The following FOXP1 variants were observed in gnomAD, a reference collection of about 807,000 sequenced individuals.
FOXP1 encodes the protein forkhead box P1, also known as forkhead box protein P1.
Under a neutral mutation model 98.2 loss-of-function variants are expected in FOXP1, and 15 were observed. The observed-to-expected ratio is 0.15, with a 90% CI of 0.10 to 0.24. The LOEUF is 0.24. Among genes scored for constraint, FOXP1 ranks in the 10% least tolerant of loss-of-function variants. FOXP1 has a pLI of 1.00. For missense variants in FOXP1, 633 were observed against 848.5 expected (o/e 0.75, Z 3.15); for synonymous variants, 371 against 314.5 (o/e 1.18, Z -1.90).
chr3:71,030,809 T>C (rs951232049), intron 11 of FOXP1, among the ~76,000 whole-genome samples: 4 of 152,232 alleles, frequency 2.6e-5, no homozygotes, highest in African/African-American at 4.8e-5. Flanking sequence ...TCAATTTTTT[T>C]CTAATTAAAG....
chr3:71,557,461 T>A (rs1481989068), intron 2 of FOXP1, among the ~76,000 whole-genome samples: 1 of 151,364 alleles, frequency 6.6e-6, no homozygotes, highest in African/African-American at 2.4e-5. Context: ...TGAGAAAATG[T>A]CCTCCAAAAC....
rs150383740 is a variant in FOXP1, at chr3:71,436,896, G to A, written c.-168+56530C>T. Among the ~76,000 whole-genome samples the A allele has an allele frequency of 6.8e-4, 104 of 152,206 alleles. 1 individual carries two copies. The highest frequency in any genetic ancestry group is 2.7e-3 in the Admixed American group (41 of 15,278). On this transcript the variant is annotated intron_variant, in intron 3 of 20. Coordinates refer to ENST00000649528, the MANE Select transcript of FOXP1 (RefSeq NM_001349338.3). ...GAAACAAAATGTAAGCCCCATGACC[G>A]ATCAAAGCAACGCTGATCAACACAA...
intron 5 of FOXP1, among the ~76,000 whole-genome samples, chr3:71,266,132 A>G (rs2069631756): frequency 6.6e-6 from 1 of 152,178 alleles, no homozygotes; most frequent in South Asian, 2.1e-4. Flanking sequence ...AGAGAGAAAG[A>G]GAGTACATAG....
At chr3:71,569,977 T>C (rs1009413432) in intron 2 of FOXP1, among the ~76,000 whole-genome samples, 1 of 152,142 alleles carries the variant, frequency 6.6e-6, no homozygotes, top group Admixed American at 6.5e-5. Flanking sequence ...TTCACTGTAT[T>C]AGCCAGGATA....
chr3:71,197,571 A>G (rs1183703513), intron 6 of FOXP1, among the ~76,000 whole-genome samples: 2 of 152,212 alleles, frequency 1.3e-5, no homozygotes, highest in Non-Finnish European at 2.9e-5. Context: ...AGGCACCAAT[A>G]AGAGCTAATT....
chr3:71,066,112 GGC>G (rs1273199579), intron 7 of FOXP1, among the ~76,000 whole-genome samples: 6 of 116,266 alleles, frequency 5.2e-5, no homozygotes, highest in Non-Finnish European at 7.3e-5. Flanking sequence ...AAAAAAAAAA[GGC>G]AACAAAATCT....
chr3:71,574,294 G>A (rs2047561070), intron 2 of FOXP1: 1 of 152,148 alleles, frequency 6.6e-6, no homozygotes, highest in Non-Finnish European at 1.5e-5. Context: ...TAAAAATTAG[G>A]TGTGGGCATT....
intron 3 of FOXP1, among the ~76,000 whole-genome samples, chr3:71,460,202 C>T (rs897728691): frequency 6.6e-6 from 1 of 151,512 alleles, no homozygotes; most frequent in Non-Finnish European, 1.5e-5. Flanking sequence ...ATTAGCAAAC[C>T]ATTTAGCTGG....
intron 6 of FOXP1, among the ~76,000 whole-genome samples, chr3:71,134,082 G>A (rs1022120085): frequency 6.7e-6 from 1 of 149,422 alleles, no homozygotes; most frequent in African/African-American, 2.6e-5. Flanking sequence ...CTTGATTGCA[G>A]CTGAAGTTGA....
At chr3:71,291,889 TA>T (rs2072787063) in intron 5 of FOXP1, among the ~76,000 whole-genome samples, 1 of 151,412 alleles carries the variant, frequency 6.6e-6, no homozygotes, top group Non-Finnish European at 1.5e-5. Context: ...GTATTTTTAG[TA>T]GAGATGGGGT....
chr3:71,063,136 T>C (rs2051779130), intron 7 of FOXP1, among the ~76,000 whole-genome samples: 1 of 152,238 alleles, frequency 6.6e-6, no homozygotes, highest in Non-Finnish European at 1.5e-5. Flanking sequence ...CATCCTACAG[T>C]AAGTCAGCCA....
intron 7 of FOXP1, among the ~76,000 whole-genome samples, chr3:71,058,592 AAG>A (rs371444920): frequency 6.6e-6 from 1 of 151,798 alleles, no homozygotes; most frequent in African/African-American, 2.4e-5. Flanking sequence ...GCTCCATTAA[AAG>A]AGAGAGAGGA....
At chr3:71,028,811 T>G (rs1429203500) in intron 11 of FOXP1, among the ~76,000 whole-genome samples, 1 of 152,142 alleles carries the variant, frequency 6.6e-6, no homozygotes, top group Non-Finnish European at 1.5e-5. Flanking sequence ...GACAGTCCCA[T>G]GTGGGGGTAA....
intron 6 of FOXP1, among the ~76,000 whole-genome samples, chr3:71,149,929 C>T (rs915543859): frequency 6.6e-6 from 1 of 152,196 alleles, no homozygotes; most frequent in Admixed American, 6.5e-5. Flanking sequence ...CATAACAATG[C>T]AAATATTTTA....
At chr3:71,005,314 TAAAAAAA>T (rs60664354) in intron 12 of FOXP1, among the ~76,000 whole-genome samples, 4 of 25,260 alleles carry the variant, frequency 1.6e-4, no homozygotes, top group Admixed American at 8.4e-4. Flanking sequence ...ATACCTGATT[TAAAAAAA>T]AAAAAAAAAA....
At chr3:71,217,319 C>T (rs936979383) in intron 5 of FOXP1, among the ~76,000 whole-genome samples, 1 of 152,060 alleles carries the variant, frequency 6.6e-6, no homozygotes, top group Admixed American at 6.5e-5. Context: ...GTGATCCACC[C>T]GCCTTGGCCT....
intron 2 of FOXP1, among the ~76,000 whole-genome samples, chr3:71,535,790 TCCTGGTTCTGC>T (rs2044243406): frequency 6.6e-6 from 1 of 152,126 alleles, no homozygotes; most frequent in Admixed American, 6.5e-5. Flanking sequence ...TGATTCCCAT[TCCTGGTTCTGC>T]CCCACTCTGA....
At chr3:71,014,686 T>G (rs1330101558) in intron 12 of FOXP1, among the ~76,000 whole-genome samples, 1 of 152,180 alleles carries the variant, frequency 6.6e-6, no homozygotes, top group Admixed American at 6.5e-5. Context: ...TAAAGACACA[T>G]GCACATGTAT....
chr3:71,294,946 G>A (rs953200127), intron 5 of FOXP1, among the ~76,000 whole-genome samples: 4 of 152,188 alleles, frequency 2.6e-5, no homozygotes, highest in African/African-American at 4.8e-5. Flanking sequence ...GAGCACAGAC[G>A]GAAAGATCTG....
Sources: allele counts gnomAD v4.1 joint callset (sites outside exome capture counted in the v4.1 genomes callset), GRCh38; gene constraint gnomAD v4.1.1; transcripts MANE v1.5; gene names NCBI Gene and HGNC (gene_info 2026-07-23, HGNC 2026-07-21).